GLIS3: variants seen among roughly 807,000 people sequenced by gnomAD.
GLIS3 encodes the protein zinc finger protein GLIS3.
A neutral mutation model predicts 78.6 loss-of-function variants in GLIS3; 53 were observed. That is an observed-to-expected ratio of 0.67 (90% CI 0.54 to 0.85). The LOEUF (loss-of-function observed/expected upper bound fraction) is 0.85, where lower values mean the gene tolerates loss of function less well. GLIS3 is among the 40% of genes least tolerant of loss of function. The pLI is 0.00. For synonymous variants in GLIS3, 684 were observed against 509.9 expected, an observed-to-expected ratio of 1.34 and a Z score of -4.60; for missense variants, 1,703 against 1,231.1, an observed-to-expected ratio of 1.38 and a Z score of -5.74.
In GLIS3 at chr9:4,118,050, G is replaced by T. The variant is rs896385365; in HGVS notation, c.1428C>A (p.His476Gln). 3.8e-6 allele frequency: 6 copies of T among 1,589,322 alleles called. No individual in the cohort carries two copies. Among genetic ancestry groups the T allele is most frequent in the Non-Finnish European group, 5.1e-6 (6 of 1,167,620 alleles). ...CCTGGGGCAAGGCCAGCTGCTGGGCGTGGGGCCCGAGCTCCGGGTGGTGAA... is the reference window on the plus strand; with the variant it reads ...CCTGGGGCAAGGCCAGCTGCTGGGCTTGGGGCCCGAGCTCCGGGTGGTGAA... ...AHLHHPELGPHAQQLALPQAT... is the reference protein window; with the variant it reads ...AHLHHPELGPQAQQLALPQAT... Residue 476 changes from histidine to glutamine, a missense_variant, in exon 4 of 11, where the codon CAC becomes CAA. Transcript: ENST00000381971. This position sits in a 1 kb window ranked among gnomAD's most constrained non-coding sequence, Gnocchi z 4.7.
intron 4 of GLIS3, among the ~76,000 whole-genome samples, chr9:3,947,112 C>G (rs1816355382): frequency 6.6e-6 from 1 of 152,238 alleles, no homozygotes; most frequent in Non-Finnish European, 1.5e-5. Flanking sequence ...TGCTTGGCTA[C>G]AGGGTCTGTG....
chr9:4,407,620 C>G, the GLIS3 span, among the ~76,000 whole-genome samples: 1 of 152,260 alleles, frequency 6.6e-6, no homozygotes, highest in Admixed American at 6.5e-5. Flanking sequence ...GCACTCCAGC[C>G]TGGGAGACAG....
intron 2 of GLIS3, among the ~76,000 whole-genome samples, chr9:4,269,770 A>G (rs1042005146): frequency 1.3e-5 from 2 of 152,128 alleles, no homozygotes; most frequent in African/African-American, 4.8e-5. Context: ...TTTGTCTGAG[A>G]ATAATAAAGA....
At chr9:4,349,143 T>C (rs1817930244), upstream of GLIS3, among the ~76,000 whole-genome samples, 1 of 152,244 alleles carries the variant, frequency 6.6e-6, no homozygotes, top group Non-Finnish European at 1.5e-5. Context: ...AACTTTCAAC[T>C]TAAAATAAGC....
chr9:4,332,292 A>G (rs1817698176), intron 2 of GLIS3, among the ~76,000 whole-genome samples: 2 of 152,100 alleles, frequency 1.3e-5, no homozygotes. Flanking sequence ...GAATTGGGCT[A>G]GGTTTTGGAG....
intron 2 of GLIS3, among the ~76,000 whole-genome samples, chr9:4,222,907 C>T (rs764300593): frequency 5.3e-5 from 8 of 152,254 alleles, no homozygotes; most frequent in African/African-American, 1.2e-4. Context: ...GCAGAGGGAA[C>T]GGGGAATAAT....
the GLIS3 span, among the ~76,000 whole-genome samples, chr9:4,487,852 T>C: frequency 6.6e-6 from 1 of 151,870 alleles, no homozygotes; most frequent in Non-Finnish European, 1.5e-5. Flanking sequence ...CATGGCCAGA[T>C]TATTATTATT....
At chr9:4,227,843 G>C (rs1006435644) in intron 2 of GLIS3, among the ~76,000 whole-genome samples, 5 of 152,218 alleles carry the variant, frequency 3.3e-5, no homozygotes, top group Non-Finnish European at 7.3e-5. Context: ...AAGGGTCATA[G>C]AATGAAATGT....
chr9:4,401,228 T>C, the GLIS3 span, among the ~76,000 whole-genome samples: 3 of 152,082 alleles, frequency 2.0e-5, no homozygotes, highest in African/African-American at 7.2e-5. Context: ...AACCATGAAC[T>C]GACAGAAGAG....
At chr9:3,880,553 T>G (rs1051314135) in intron 7 of GLIS3, among the ~76,000 whole-genome samples, 1 of 152,236 alleles carries the variant, frequency 6.6e-6, no homozygotes, top group Non-Finnish European at 1.5e-5. Context: ...TTCTGTTCTT[T>G]TTGAACTTAC....
chr9:3,899,361 A>G (rs1470322562), intron 6 of GLIS3, among the ~76,000 whole-genome samples: 2 of 152,202 alleles, frequency 1.3e-5, no homozygotes, highest in Non-Finnish European at 2.9e-5. Flanking sequence ...AACAGTAACA[A>G]AACTCCAACA....
At position 3,943,279 on chromosome 9, in the gene GLIS3, A is replaced by G. The variant is rs926253845; in HGVS notation, c.1711-6090T>C. 4.6e-5 allele frequency among the ~76,000 whole-genome samples: 7 copies of G among 152,252 alleles called. No homozygotes were observed. In the East Asian group the frequency reaches 9.6e-4, roughly 21 times the overall value. On this transcript the variant is annotated intron_variant, in intron 4 of 10. Coordinates refer to ENST00000381971, the MANE Select transcript of GLIS3 (RefSeq NM_001042413.2). The stretch of plus-strand genomic sequence containing the variant: ...TCATTCAAATGTTTTGAGGCTTTTA[A>G]AAAGTAGTTCATGAATCGATTATGT...
chr9:4,111,097 T>C (rs1263997084), intron 4 of GLIS3, among the ~76,000 whole-genome samples: 1 of 152,194 alleles, frequency 6.6e-6, no homozygotes, highest in Non-Finnish European at 1.5e-5. Context: ...AGAATCTATA[T>C]ACAAACAAAT....
At chr9:4,397,969 C>G in the GLIS3 span, among the ~76,000 whole-genome samples, 1 of 152,068 alleles carries the variant, frequency 6.6e-6, no homozygotes, top group Admixed American at 6.5e-5. Flanking sequence ...TCCCCGTCTC[C>G]TACAGACAGC....
At chr9:4,382,868 T>G in the GLIS3 span, among the ~76,000 whole-genome samples, 2 of 152,194 alleles carry the variant, frequency 1.3e-5, no homozygotes, top group South Asian at 4.1e-4. Flanking sequence ...TGAGGGAAGA[T>G]TCCCAGGAAG....
chr9:4,306,104 G>A lies in GLIS3; in HGVS notation n.584+2673C>T, dbSNP rs141532858. On this transcript the variant is annotated intron_variant and non_coding_transcript_variant, in intron 4 of 4. Transcript: ENST00000471664. The stretch of plus-strand genomic sequence containing the variant: ...TGTTTTTTGTTTTTGTTTCTAAATA[G>A]GATCTTGCTTTATCACCCAAACTGT... The A allele has an allele frequency of 1.4e-4, 21 of 152,124 alleles. No homozygotes were observed. In the East Asian group the frequency reaches 3.7e-3, roughly 27 times the overall value. 9.4% of individuals were successfully genotyped at this position (152,124 alleles called of 1,614,324 possible).
chr9:4,362,362 A>C, the GLIS3 span, among the ~76,000 whole-genome samples: 1 of 152,230 alleles, frequency 6.6e-6, no homozygotes, highest in African/African-American at 2.4e-5. Context: ...ACTGGAAATT[A>C]TAAAAGAAAT....
chr9:4,313,749 C>A (rs565345086), intron 2 of GLIS3, among the ~76,000 whole-genome samples: 13 of 152,308 alleles, frequency 8.5e-5, no homozygotes, highest in Non-Finnish European at 1.6e-4. Flanking sequence ...AGTTCCAATG[C>A]CACCTCCTCC....
intron 4 of GLIS3, among the ~76,000 whole-genome samples, chr9:4,058,394 C>T (rs1301713970): frequency 6.6e-6 from 1 of 151,906 alleles, no homozygotes; most frequent in Non-Finnish European, 1.5e-5. Context: ...TTTTTCTTTG[C>T]CTACTGATCT....
Sources: allele counts gnomAD v4.1 joint callset (sites outside exome capture counted in the v4.1 genomes callset), GRCh38; gene constraint gnomAD v4.1.1; non-coding constraint Gnocchi (gnomAD v3.1); transcripts MANE v1.5; gene names NCBI Gene and HGNC (gene_info 2026-07-23, HGNC 2026-07-21).